TCF4: variants seen among roughly 807,000 people sequenced by gnomAD.
TCF4 encodes SL3-3 enhancer factor 2.
In TCF4, 3 loss-of-function variants were observed where a neutral mutation model predicts 82.1. The ratio of observed to expected loss-of-function variants is 0.04; its 90% CI spans 0.02 to 0.09. The LOEUF is 0.09. Among genes scored for constraint, TCF4 ranks in the 10% least tolerant of loss-of-function variants. TCF4 has a pLI of 1.00. For synonymous variants in TCF4, 276 were observed against 309.6 expected (o/e 0.89, Z 1.14); for missense variants, 518 against 852.7 (o/e 0.61, Z 4.89).
In TCF4 at chr18:55,266,680, T is replaced by C. The variant is rs547180464; in HGVS notation, c.922+3151A>G. 3.4e-4 allele frequency: 52 copies of C among 152,046 alleles called. 1 individual carries two copies. Among genetic ancestry groups the C allele is most frequent in the Admixed American group, 2.2e-3 (34 of 15,268 alleles). 9.4% of individuals were successfully genotyped at this position (152,046 alleles called of 1,614,324 possible). ...TGAAAAAAAAAAAATCTCTCATTAA[T>C]GTAATCCAAGTAAGCTTTATCCTTC... On this transcript the variant is annotated intron_variant, in intron 11 of 19. Coordinates refer to ENST00000354452, the MANE Select transcript of TCF4 (RefSeq NM_001083962.2).
intron 6 of TCF4, among the ~76,000 whole-genome samples, chr18:55,354,854 C>T (rs2083108374): frequency 6.6e-6 from 1 of 152,102 alleles, no homozygotes; most frequent in African/African-American, 2.4e-5. Flanking sequence ...GAAAGAAAAT[C>T]TCTGGAGAAA....
intron 8 of TCF4, among the ~76,000 whole-genome samples, chr18:55,294,519 T>C (rs1490288670): frequency 6.6e-6 from 1 of 152,182 alleles, no homozygotes; most frequent in East Asian, 1.9e-4. Flanking sequence ...GTATACATCA[T>C]GCACCCTTTT....
intron 3 of TCF4, among the ~76,000 whole-genome samples, chr18:55,499,231 ATTAC>A (rs2096670879): frequency 6.6e-6 from 1 of 152,164 alleles, no homozygotes; most frequent in Admixed American, 6.5e-5. Context: ...CTTCATCCTT[ATTAC>A]TTAGCCTTTG....
At chr18:55,511,864 A>C (rs1342970918) in intron 3 of TCF4, among the ~76,000 whole-genome samples, 1 of 152,200 alleles carries the variant, frequency 6.6e-6, no homozygotes, top group Middle Eastern at 3.2e-3. Flanking sequence ...TTCTGGTCCA[A>C]AGACAGCAAA....
intron 5 of TCF4, among the ~76,000 whole-genome samples, chr18:55,422,984 A>AAC (rs147283421): frequency 0.018 from 2,680 of 150,436 alleles, 91 homozygotes; most frequent in African/African-American, 0.061. Context: ...AACACCACCA[A>AAC]ACACACACAC....
rs1261123 is a variant in TCF4 at position 55,287,885 on chromosome 18, T to C, written c.550-8229A>G. On this transcript the variant is annotated intron_variant, in intron 8 of 19. Coordinates refer to ENST00000354452, the MANE Select transcript of TCF4 (RefSeq NM_001083962.2). ...CTGCAGTATATTTTTCAAATCAAAT[T>C]TCAAACTCTAAATAAAAATGAGTTG... is the stretch of plus-strand genomic sequence containing the variant. Among the ~76,000 whole-genome samples the C allele has an allele frequency of 4.1e-3, 627 of 152,298 alleles. 6 individuals are homozygous for C. Among genetic ancestry groups the C allele is most frequent in the African/African-American group, 0.014 (601 of 41,556 alleles).
chr18:55,430,380 G>C (rs1327075429), intron 5 of TCF4, among the ~76,000 whole-genome samples: 1 of 152,180 alleles, frequency 6.6e-6, no homozygotes, highest in Non-Finnish European at 1.5e-5. Context: ...CCCTGGCAAA[G>C]CCAATAATTT....
chr18:55,244,472 T>C (rs1468902545), intron 15 of TCF4, among the ~76,000 whole-genome samples: 1 of 152,228 alleles, frequency 6.6e-6, no homozygotes, highest in Non-Finnish European at 1.5e-5. Context: ...ATTATTCACT[T>C]GAGGGCTGGC....
At chr18:55,527,420 A>G (rs1242576201) in intron 3 of TCF4, among the ~76,000 whole-genome samples, 1 of 152,206 alleles carries the variant, frequency 6.6e-6, no homozygotes, top group African/African-American at 2.4e-5. Flanking sequence ...TTATATGCAT[A>G]CAAGCACGTT....
At chr18:55,416,568 A>G (rs2094531664) in intron 5 of TCF4, among the ~76,000 whole-genome samples, 1 of 152,152 alleles carries the variant, frequency 6.6e-6, no homozygotes, top group East Asian at 1.9e-4. Flanking sequence ...ATCATAATAT[A>G]TATATTTTTT....
chr18:55,284,343 A>C (rs2063238079), intron 8 of TCF4: 1 of 152,020 alleles, frequency 6.6e-6, no homozygotes, highest in African/African-American at 2.4e-5. Context: ...ACCTGGGAGA[A>C]GGAGGTTGCA....
chr18:55,305,015 A>T (rs184186460), intron 8 of TCF4, among the ~76,000 whole-genome samples: 2 of 152,290 alleles, frequency 1.3e-5, no homozygotes, highest in Non-Finnish European at 2.9e-5. Flanking sequence ...ACACAATAAA[A>T]ACAATGAGGA....
chr18:55,317,847 A>G (rs577229193), intron 8 of TCF4, among the ~76,000 whole-genome samples: 56 of 152,114 alleles, frequency 3.7e-4, no homozygotes, highest in Non-Finnish European at 7.1e-4. Context: ...AATAATTAAC[A>G]TCCAGTTTCA....
intron 5 of TCF4, among the ~76,000 whole-genome samples, chr18:55,444,301 G>T (rs568731953): frequency 6.6e-6 from 1 of 152,160 alleles, no homozygotes; most frequent in Non-Finnish European, 1.5e-5. Context: ...ATCTTAGACT[G>T]CATTAACACT....
At chr18:55,379,452 T>C (rs1197598151) in intron 6 of TCF4, among the ~76,000 whole-genome samples, 4 of 152,044 alleles carry the variant, frequency 2.6e-5, no homozygotes, top group Admixed American at 2.0e-4. Flanking sequence ...ATGCAGCAGC[T>C]CCAGGAGCCC....
chr18:55,472,280 T>G (rs563235140), intron 3 of TCF4, among the ~76,000 whole-genome samples: 17 of 152,340 alleles, frequency 1.1e-4, no homozygotes, highest in African/African-American at 3.8e-4. Context: ...ATATTGAAAC[T>G]CAGAAATCTT....
chr18:55,461,152 A>G, intron 4 of TCF4, 37 bp from the exon 5 acceptor site: 1 of 1,525,004 alleles, frequency 6.6e-7, no homozygotes, highest in Non-Finnish European at 9.0e-7. Context: ...ATTATTTTAT[A>G]TTAATAAACA....
At chr18:55,366,672 T>G (rs1316397545) in intron 6 of TCF4, among the ~76,000 whole-genome samples, 1 of 152,234 alleles carries the variant, frequency 6.6e-6, no homozygotes, top group African/African-American at 2.4e-5. Flanking sequence ...TTAGAATATT[T>G]GCACCCAGCC....
intron 15 of TCF4, among the ~76,000 whole-genome samples, chr18:55,235,463 C>T (rs2049092968): frequency 6.6e-6 from 1 of 152,130 alleles, no homozygotes; most frequent in African/African-American, 2.4e-5. Context: ...CCTAGAAAGA[C>T]ACCATATTGT....
Sources: allele counts gnomAD v4.1 joint callset (sites outside exome capture counted in the v4.1 genomes callset), GRCh38; gene constraint gnomAD v4.1.1; transcripts MANE v1.5; gene names NCBI Gene and HGNC (gene_info 2026-07-23, HGNC 2026-07-21).